The following CLTC variants were observed in gnomAD, a reference collection of about 807,000 sequenced individuals.
CLTC encodes the protein clathrin heavy chain 1.
In CLTC, 16 loss-of-function variants were observed where a neutral mutation model predicts 195.8. The ratio of observed to expected loss-of-function variants is 0.08; its 90% CI spans 0.06 to 0.12. The LOEUF (loss-of-function observed/expected upper bound fraction) is 0.12. Ranked by LOEUF, CLTC falls within the 10% of genes least tolerant of loss-of-function variation. The probability of loss-of-function intolerance (pLI) is 1.00; values close to 1 mark genes in which losing one functional copy is unlikely to be tolerated. For missense variants in CLTC, 796 were observed against 2,027.0 expected (o/e 0.39, Z 11.66); for synonymous variants, 667 against 689.4 (o/e 0.97, Z 0.51).
intron 6 of CLTC, among the ~76,000 whole-genome samples, chr17:59,659,727 C>T (rs1273883044): frequency 1.3e-5 from 2 of 151,892 alleles, no homozygotes; most frequent in African/African-American, 4.8e-5. Flanking sequence ...GGATTACAGG[C>T]GTGAGCCACT....
intron 2 of CLTC, among the ~76,000 whole-genome samples, chr17:59,646,787 T>C (rs1299397554): frequency 6.6e-6 from 1 of 152,218 alleles, no homozygotes; most frequent in Non-Finnish European, 1.5e-5. Flanking sequence ...TCTGAAACTA[T>C]CCTCTTCCTT....
At position 59,666,094 on chromosome 17, in the gene CLTC, T is replaced by G; in HGVS notation, c.1645-9T>G. 1 of 1,588,492 alleles carries G rather than the reference T, an allele frequency of 6.3e-7. No homozygotes were observed. Among genetic ancestry groups the G allele is most frequent in the South Asian group, 1.1e-5 (1 of 89,396 alleles). ...CTTAAAACAATTTCTTTTAAATCTTTTTTTGTAGATTGTAGATGTCTTTAT... is the reference window on the plus strand; with the variant it reads ...CTTAAAACAATTTCTTTTAAATCTTGTTTTGTAGATTGTAGATGTCTTTAT... On this transcript the variant is annotated splice_polypyrimidine_tract_variant and intron_variant, in intron 10 of 31. Coordinates refer to ENST00000269122, the MANE Select transcript of CLTC (RefSeq NM_004859.4). This position sits in a 1 kb window ranked among gnomAD's most constrained non-coding sequence, Gnocchi z 4.9.
intron 2 of CLTC, among the ~76,000 whole-genome samples, chr17:59,646,896 G>A (rs2032210291): frequency 6.6e-6 from 1 of 152,172 alleles, no homozygotes; most frequent in Non-Finnish European, 1.5e-5. Context: ...GTGGCAACAA[G>A]ACAGAATTGA....
intron 1 of CLTC, among the ~76,000 whole-genome samples, chr17:59,642,694 C>T (rs1024672384): frequency 3.3e-5 from 5 of 152,144 alleles, no homozygotes; most frequent in African/African-American, 1.2e-4. Flanking sequence ...GTGTATTTGC[C>T]TTGCATTACA....
intron 10 of CLTC, 77 bp downstream of exon 10, chr17:59,664,986 A>G (rs2032695166): frequency 6.4e-7 from 1 of 1,565,284 alleles, no homozygotes; most frequent in African/African-American, 1.4e-5. Context: ...TTGACTTGGG[A>G]GTCCAAGGTG....
At chr17:59,649,094 T>G (rs925554581) in intron 4 of CLTC, among the ~76,000 whole-genome samples, 1 of 152,234 alleles carries the variant, frequency 6.6e-6, no homozygotes, top group Admixed American at 6.5e-5. Context: ...TAGTACTTTG[T>G]ATATTAGACT....
At chr17:59,633,353 C>T (rs1328166286) in intron 1 of CLTC, among the ~76,000 whole-genome samples, 7 of 152,078 alleles carry the variant, frequency 4.6e-5, no homozygotes, top group East Asian at 3.9e-4. Flanking sequence ...ATTAGCTGGG[C>T]GTGGTGGTGC....
intron 30 of CLTC, 53 bp from the exon 31 acceptor site, chr17:59,690,583 C>G: frequency 1.5e-6 from 2 of 1,302,116 alleles, no homozygotes. Context: ...TGCCATAAAC[C>G]TAGGTTTATA....
chr17:59,653,120 T>C (rs2032368854), intron 5 of CLTC, among the ~76,000 whole-genome samples: 1 of 152,190 alleles, frequency 6.6e-6, no homozygotes, highest in Non-Finnish European at 1.5e-5. Flanking sequence ...TAGATTAGGC[T>C]TTGGCTTAAG....
chr17:59,672,192 T>A (rs1428885265), intron 14 of CLTC, among the ~76,000 whole-genome samples: 2 of 152,180 alleles, frequency 1.3e-5, no homozygotes, highest in Admixed American at 1.3e-4. Context: ...TATTAAAATG[T>A]TAACATTTCT....
rs1031393876 is a variant in CLTC at position 59,696,635 on chromosome 17, A to G, written c.*2783A>G. On this transcript the variant is annotated 3_prime_UTR_variant, in exon 32 of 32. Transcript: ENST00000269122. ...ATAACATAGTAATTATTAGGATTGT[A>G]TCAAGTGTATCTAAAGATCAAAAGG... is the stretch of plus-strand genomic sequence containing the variant. 9.4e-6 allele frequency: 2 copies of G among 212,354 alleles called. No individual in the cohort carries two copies. Among genetic ancestry groups the G allele is most frequent in the Non-Finnish European group, 1.9e-5 (2 of 104,972 alleles). 13.2% of individuals were successfully genotyped at this position (212,354 alleles called of 1,614,324 possible).
chr17:59,676,899 G>T, intron 16 of CLTC, 55 bp from the exon 17 acceptor site: 1 of 1,283,738 alleles, frequency 7.8e-7, no homozygotes. Flanking sequence ...CATGTCAAGA[G>T]TGTGTTATTT....
intron 31 of CLTC, among the ~76,000 whole-genome samples, chr17:59,692,036 T>G (rs937622780): frequency 6.6e-6 from 1 of 152,172 alleles, no homozygotes; most frequent in African/African-American, 2.4e-5. Context: ...TGGTTTCTGT[T>G]GGCTGGGTGC....
In CLTC at chr17:59,682,337, A is replaced by G; in HGVS notation, c.3509A>G (p.Glu1170Gly). Residue 1170 changes from glutamate to glycine, a missense_variant, in exon 22 of 32, where the codon GAG (glutamate) becomes GGG (glycine). By Grantham distance (98) the Glu-to-Gly change is moderately conservative. Transcript: ENST00000269122. The surrounding 1 kb of genome is among the most constrained non-coding windows in gnomAD (Gnocchi z 6.8). ...AAGAAGGCTCGAGAGTCCTATGTGG[A>G]GACAGAACTGATATTCGCACTGGCT... ...ARKKARESYV[E>G]TELIFALAKT... 6.2e-7 allele frequency: 1 copy of G among 1,614,142 alleles called. No homozygotes were observed. The highest frequency in any genetic ancestry group is 8.5e-7 in the Non-Finnish European group (1 of 1,179,988).
chr17:59,639,214 A>G (rs576329142), intron 1 of CLTC, among the ~76,000 whole-genome samples: 1 of 152,350 alleles, frequency 6.6e-6, no homozygotes, highest in East Asian at 1.9e-4. Context: ...ACATACTTTC[A>G]TATGCTACAG....
intron 17 of CLTC, 53 bp downstream of exon 17, chr17:59,677,241 A>G: frequency 7.2e-7 from 1 of 1,384,728 alleles, no homozygotes; most frequent in Non-Finnish European, 1.0e-6. Flanking sequence ...AAAACCTGTT[A>G]CATGAGAGTT....
intron 2 of CLTC, among the ~76,000 whole-genome samples, chr17:59,646,701 CT>C (rs2032204185): frequency 6.6e-6 from 1 of 152,178 alleles, no homozygotes; most frequent in Non-Finnish European, 1.5e-5. Flanking sequence ...AAATTTCATC[CT>C]TTTTTAACTA....
Position 59,664,924 on chromosome 17 carries a change from A to G in CLTC, c.1644+15A>G. 3.1e-6 allele frequency: 5 copies of G among 1,613,282 alleles called. No homozygotes were observed. The highest frequency in any genetic ancestry group is 4.2e-6 in the Non-Finnish European group (5 of 1,179,630). On this transcript the variant is annotated intron_variant, in intron 10 of 31. Coordinates refer to ENST00000269122, the MANE Select transcript of CLTC (RefSeq NM_004859.4). ...ACATCACACAGGTAATGTGATTAAA[A>G]TATATTTTGTAGAAGCTGATTGAAA...
Position 59,674,760 on chromosome 17 carries a change from A to G in CLTC, c.2478A>G (p.Glu826=). The change falls in exon 16 of 32, where the codon GAA becomes GAG. Residue 826 remains glutamate (E), a synonymous_variant. Transcript: ENST00000269122. ...GATTACTTGATGTTGACTGTTCTGA[A>G]GATGTCATAAAAAACTTGATTCTTG... ...IGGLLDVDCS[E]DVIKNLILVV... 1 of 1,613,342 alleles carries G rather than the reference A, an allele frequency of 6.2e-7. No homozygotes were observed. The highest frequency in any genetic ancestry group is 1.7e-4 in the Middle Eastern group (1 of 6,050).
Sources: gnomAD v4.1 joint callset for allele counts (sites outside exome capture counted in the v4.1 genomes callset) on GRCh38, gnomAD v4.1.1 for gene constraint, Gnocchi (gnomAD v3.1) non-coding constraint, MANE v1.5 for transcripts, NCBI Gene and HGNC (gene_info 2026-07-23, HGNC 2026-07-21) for gene names.